The following N4BP2L2 variants were observed in gnomAD, a reference collection of about 807,000 sequenced individuals.
N4BP2L2 encodes the protein NEDD4 binding protein 2 like 2.
In N4BP2L2, 50 loss-of-function variants were observed where a neutral mutation model predicts 56.2. The observed-to-expected ratio is 0.89, with a 90% CI of 0.71 to 1.13. The LOEUF (loss-of-function observed/expected upper bound fraction) is 1.13. Among genes scored for constraint, N4BP2L2 ranks in the 50% most tolerant of loss-of-function variants. The pLI, the probability that N4BP2L2 is intolerant of heterozygous loss-of-function variation, is 0.00. For synonymous variants in N4BP2L2, 203 were observed against 223.6 expected (o/e 0.91, Z 0.82); for missense variants, 689 against 693.8 (o/e 0.99, Z 0.08).
chr13:32,508,673 T>A (rs937106829), downstream of N4BP2L2: 1 of 152,184 alleles, frequency 6.6e-6, no homozygotes, highest in Non-Finnish European at 1.5e-5. Context: ...TATTTTCAGA[T>A]AAATAACGAA....
intron 6 of N4BP2L2, among the ~76,000 whole-genome samples, chr13:32,501,066 C>G (rs1419515901): frequency 6.6e-6 from 1 of 152,050 alleles, no homozygotes; most frequent in African/African-American, 2.4e-5. Flanking sequence ...CGAGGTTTCG[C>G]CATTTTACCC....
intron 6 of N4BP2L2, among the ~76,000 whole-genome samples, chr13:32,502,060 C>CTTTTTTTTTTTTTTTTTTTT (rs1199188447): frequency 7.0e-6 from 1 of 142,334 alleles, no homozygotes. Context: ...CCTACTACAG[C>CTTTTTTTTTTTTTTTTTTTT]ATTTTTTTTT....
intron 6 of N4BP2L2, among the ~76,000 whole-genome samples, chr13:32,445,695 A>G (rs990847998): frequency 6.6e-6 from 1 of 152,220 alleles, no homozygotes; most frequent in African/African-American, 2.4e-5. Context: ...CACATTACCA[A>G]TATCAGGCAT....
At chr13:32,446,637 C>T in intron 6 of N4BP2L2, 1 of 557,296 alleles carries the variant, frequency 1.8e-6, no homozygotes, top group East Asian at 1.5e-4. Flanking sequence ...TCCCTCAGAA[C>T]AGCTCTCTAC....
intron 6 of N4BP2L2, among the ~76,000 whole-genome samples, chr13:32,479,194 T>A (rs1042171336): frequency 2.8e-4 from 42 of 152,268 alleles, no homozygotes; most frequent in Middle Eastern, 3.4e-3. Flanking sequence ...AGGCCATATG[T>A]ACTCTACATG....
chr13:32,528,931 C>T (rs1043494179), intron 2 of N4BP2L2, among the ~76,000 whole-genome samples: 4 of 152,102 alleles, frequency 2.6e-5, no homozygotes, highest in African/African-American at 9.7e-5. Context: ...CTGCTCAAGC[C>T]CTTGATATAA....
intron 1 of N4BP2L2, 27 bp from the exon 2 acceptor site, chr13:32,537,054 A>G (rs368438177): frequency 7.3e-7 from 1 of 1,372,692 alleles, no homozygotes; most frequent in Non-Finnish European, 9.7e-7. Flanking sequence ...TCATACAATT[A>G]CTAGCTAATA....
chr13:32,489,778 A>C (rs1471874454), intron 6 of N4BP2L2, among the ~76,000 whole-genome samples: 5 of 152,088 alleles, frequency 3.3e-5, no homozygotes, highest in African/African-American at 9.7e-5. Flanking sequence ...AAAAAAAAAA[A>C]AAACTTGCAG....
exon 6 of N4BP2L2, chr13:32,513,081 C>T (rs2858232): frequency 0.62 from 94,187 of 151,858 alleles, 31,178 homozygotes; most frequent in Non-Finnish European, 0.75. Context: ...TTACTGCTTA[C>T]ATACATGTAT....
chr13:32,518,143 T>C (rs1347978219), intron 5 of N4BP2L2, 140 bp from the exon 6 acceptor site: 8 of 799,110 alleles, frequency 1.0e-5, no homozygotes, highest in Middle Eastern at 3.8e-4. Context: ...CCACATTTTA[T>C]GTAAAAAGAC....
rs573482202 is a variant in N4BP2L2 at position 32,479,684 on chromosome 13, C to G, written c.366-35558G>C. On this transcript the variant is annotated intron_variant, in intron 6 of 9. Transcript: ENST00000357505. ...AAAAAATATTAATTACTGAAAAAAA[C>G]CTTGTCAACAAACAAGGTCGTGAGT... Among the ~76,000 whole-genome samples, 4 of 148,056 alleles carry G rather than the reference C, an allele frequency of 2.7e-5. No homozygotes were observed. The East Asian group carries it at 5.9e-4, about 22-fold the overall frequency.
exon 2 of N4BP2L2, chr13:32,535,901 T>C (rs548879439): frequency 7.4e-6 from 12 of 1,614,130 alleles, no homozygotes; most frequent in Admixed American, 1.7e-5. Context: ...GTCCATACAA[T>C]GATCTTTCCA....
At chr13:32,517,906 G>A in exon 6 of N4BP2L2, 3 of 1,614,026 alleles carry the variant, frequency 1.9e-6, no homozygotes, top group Non-Finnish European at 2.5e-6. Flanking sequence ...TTGTGTGATG[G>A]TTCCACTGAA....
chr13:32,490,621 T>C (rs2086855358), intron 6 of N4BP2L2, among the ~76,000 whole-genome samples: 1 of 152,174 alleles, frequency 6.6e-6, no homozygotes, highest in Non-Finnish European at 1.5e-5. Flanking sequence ...ATTGTTTTTA[T>C]CTGAGTATTT....
At chr13:32,464,469 T>G (rs1218048995) in intron 6 of N4BP2L2, among the ~76,000 whole-genome samples, 1 of 152,174 alleles carries the variant, frequency 6.6e-6, no homozygotes, top group African/African-American at 2.4e-5. Context: ...TGAGTTGCTG[T>G]TGAGAAAGCT....
At chr13:32,514,379 C>T (rs2048751065) in exon 6 of N4BP2L2, 1 of 152,066 alleles carries the variant, frequency 6.6e-6, no homozygotes, top group African/African-American at 2.4e-5. Context: ...AAAATAAATA[C>T]AATTTAATCT....
chr13:32,513,940 C>A (rs2048663028), exon 6 of N4BP2L2: 1 of 152,112 alleles, frequency 6.6e-6, no homozygotes, highest in South Asian at 2.1e-4. Flanking sequence ...AGTTAGAAAA[C>A]CAGTCTCAGA....
intron 3 of N4BP2L2, 108 bp from the exon 4 acceptor site, chr13:32,522,378 A>C: frequency 1.6e-6 from 1 of 613,032 alleles, no homozygotes; most frequent in Non-Finnish European, 2.6e-6. Flanking sequence ...CTTAAAACCA[A>C]AACTGTGCAA....
chr13:32,471,944 C>T (rs1485673521), intron 6 of N4BP2L2, among the ~76,000 whole-genome samples: 1 of 152,216 alleles, frequency 6.6e-6, no homozygotes, highest in East Asian at 1.9e-4. Context: ...AATAAAAATA[C>T]ATCACCCATG....
Sources: allele counts gnomAD v4.1 joint callset (sites outside exome capture counted in the v4.1 genomes callset), GRCh38; gene constraint gnomAD v4.1.1; transcripts MANE v1.5; gene names NCBI Gene and HGNC (gene_info 2026-07-23, HGNC 2026-07-21).